The following LRRFIP2 variants were observed in gnomAD, a reference collection of about 807,000 sequenced individuals.
The protein encoded by LRRFIP2 is leucine-rich repeat flightless-interacting protein 2.
In LRRFIP2, 109 loss-of-function variants were observed where a neutral mutation model predicts 125.9. That is an observed-to-expected ratio of 0.87 (90% CI 0.74 to 1.01). The LOEUF is 1.01. LRRFIP2 is among the 50% of genes least tolerant of loss of function. The pLI, the probability that LRRFIP2 is intolerant of heterozygous loss-of-function variation, is 0.00. For synonymous variants in LRRFIP2, 291 were observed against 293.1 expected, an observed-to-expected ratio of 0.99 and a Z score of 0.07; for missense variants, 850 against 862.3, an observed-to-expected ratio of 0.99 and a Z score of 0.18.
intron 2 of LRRFIP2, among the ~76,000 whole-genome samples, chr3:37,136,982 G>A (rs1247006175): frequency 1.6e-5 from 2 of 124,450 alleles, no homozygotes; most frequent in African/African-American, 3.1e-5. Context: ...GTGGGGGGGG[G>A]GCGGGGACAG....
intron 6 of LRRFIP2, among the ~76,000 whole-genome samples, chr3:37,116,242 A>G (rs2094778558): frequency 6.6e-6 from 1 of 152,064 alleles, no homozygotes; most frequent in South Asian, 2.1e-4. Flanking sequence ...CTCCCACTTC[A>G]GGCTCCCAAG....
chr3:37,129,957 C>T (rs1288915466), intron 2 of LRRFIP2, among the ~76,000 whole-genome samples: 1 of 152,164 alleles, frequency 6.6e-6, no homozygotes. Flanking sequence ...CATGCCACTG[C>T]ACTGCAGCCT....
chr3:37,053,602 A>G lies in LRRFIP2; in HGVS notation c.*249T>C, dbSNP rs114539475. The G allele has an allele frequency of 1.4e-3, 619 of 435,486 alleles. 6 individuals are homozygous for G. Among genetic ancestry groups the G allele is most frequent in the African/African-American group, 0.011 (549 of 49,770 alleles). 27.0% of individuals were successfully genotyped at this position (435,486 alleles called of 1,614,324 possible). On this transcript the variant is annotated 3_prime_UTR_variant, in exon 28 of 28. Coordinates refer to ENST00000336686, the MANE Select transcript of LRRFIP2 (RefSeq NM_006309.4). The stretch of plus-strand genomic sequence containing the variant: ...AACGTTGAGTAAACATGATTCTACA[A>G]TTACGGAGATAAAAAATAAAAACAG...
At chr3:37,172,921 G>T (rs9813683) in intron 1 of LRRFIP2, 1 of 152,148 alleles carries the variant, frequency 6.6e-6, no homozygotes, top group Non-Finnish European at 1.5e-5. Context: ...GGCCGGGCGT[G>T]GTGGCTCATC....
intron 17 of LRRFIP2, among the ~76,000 whole-genome samples, chr3:37,093,759 G>C (rs2093589479): frequency 6.6e-6 from 1 of 152,142 alleles, no homozygotes; most frequent in Non-Finnish European, 1.5e-5. Flanking sequence ...GATGCTTTGT[G>C]ATTTGGCCCC....
At chr3:37,063,106 T>C (rs561219521) in intron 24 of LRRFIP2, among the ~76,000 whole-genome samples, 1 of 152,288 alleles carries the variant, frequency 6.6e-6, no homozygotes, top group African/African-American at 2.4e-5. Context: ...AAATTGATGA[T>C]AGAAAACCAA....
intron 21 of LRRFIP2, among the ~76,000 whole-genome samples, chr3:37,070,553 T>C (rs1013492228): frequency 6.6e-6 from 1 of 151,678 alleles, no homozygotes; most frequent in Non-Finnish European, 1.5e-5. Context: ...CTGGCCAACA[T>C]GGTGAAACCC....
rs1251167095 is a variant in LRRFIP2 at position 37,127,613 on chromosome 3, AGGCAATACT to A, written c.228+8_228+16del. 2 of 1,612,108 alleles carry A rather than the reference AGGCAATACT, an allele frequency of 1.2e-6. No homozygotes were observed. Among genetic ancestry groups the A allele is most frequent in the Admixed American group, 1.7e-5 (1 of 60,016 alleles). On this transcript the variant is annotated splice_region_variant and intron_variant, in intron 4 of 27. Coordinates refer to ENST00000336686, the MANE Select transcript of LRRFIP2 (RefSeq NM_006309.4). ...AGCAATTGATCACAACATGCAGGAC[AGGCAATACT>A]GGCCTACCAGCCACTTCTGAATCTG... is the stretch of plus-strand genomic sequence containing the variant.
In LRRFIP2 at chr3:37,135,076, C is replaced by T. The variant is rs566583090; in HGVS notation, c.91-5927G>A. The T allele has an allele frequency of 1.1e-4, 148 of 1,374,990 alleles. No homozygotes were observed. The African/African-American group carries it at 1.1e-3, about 10-fold the overall frequency. 85.2% of individuals were successfully genotyped at this position (1,374,990 alleles called of 1,614,324 possible). A position where few individuals can be genotyped will look rare whatever the true frequency, so the allele number is the denominator to read the frequency against. Reference sequence around the variant, plus strand: ...GACGTAAAAGTACAACAGAATATCTCGGGAATGGACTCAGAAGAATGCCAT... The same window carrying T: ...GACGTAAAAGTACAACAGAATATCTTGGGAATGGACTCAGAAGAATGCCAT... On this transcript the variant is annotated intron_variant, in intron 2 of 27. Coordinates refer to ENST00000336686, the MANE Select transcript of LRRFIP2 (RefSeq NM_006309.4).
At chr3:37,095,201 C>T (rs1306360567) in intron 16 of LRRFIP2, among the ~76,000 whole-genome samples, 1 of 152,196 alleles carries the variant, frequency 6.6e-6, no homozygotes, top group Non-Finnish European at 1.5e-5. Flanking sequence ...TTTATCTTTG[C>T]TATCCTGTAA....
intron 23 of LRRFIP2, chr3:37,064,586 CA>C (rs3067690): frequency 3.2e-3 from 328 of 101,124 alleles, no homozygotes; most frequent in African/African-American, 7.2e-3. Context: ...GACTTCGTCT[CA>C]AAAAAAAAAA....
intron 2 of LRRFIP2, among the ~76,000 whole-genome samples, chr3:37,143,002 G>GT (rs1231879804): frequency 6.6e-6 from 1 of 152,140 alleles, no homozygotes; most frequent in Non-Finnish European, 1.5e-5. Context: ...CAACACAACA[G>GT]TAAGTTCTCG....
intron 19 of LRRFIP2, among the ~76,000 whole-genome samples, chr3:37,078,709 T>G (rs2092358499): frequency 6.6e-6 from 1 of 152,140 alleles, no homozygotes; most frequent in African/African-American, 2.4e-5. Context: ...TCTCTAGCAC[T>G]CATACTAAAA....
chr3:37,153,524 T>A (rs996044322), intron 1 of LRRFIP2, among the ~76,000 whole-genome samples: 19 of 152,338 alleles, frequency 1.2e-4, no homozygotes, highest in African/African-American at 4.6e-4. Context: ...CTGGTAGCAT[T>A]CTTTTGAATG....
chr3:37,108,219 C>T, intron 12 of LRRFIP2, 90 bp from the exon 13 acceptor site: 1 of 1,009,994 alleles, frequency 9.9e-7, no homozygotes, highest in Middle Eastern at 2.1e-4. Flanking sequence ...CCTAACTTGC[C>T]CCTGGTTCTC....
chr3:37,081,543 G>A (rs978388149), intron 19 of LRRFIP2, among the ~76,000 whole-genome samples: 2 of 149,722 alleles, frequency 1.3e-5, no homozygotes, highest in Admixed American at 6.8e-5. Context: ...ATCACAGTAC[G>A]TGAAGCAAAT....
intron 25 of LRRFIP2, among the ~76,000 whole-genome samples, chr3:37,058,297 A>G (rs7639327): frequency 0.36 from 55,183 of 152,102 alleles, 10,944 homozygotes; most frequent in Non-Finnish European, 0.45. Context: ...TGGAGCCTCT[A>G]TTCAGCTATA....
chr3:37,056,062 G>A lies in LRRFIP2; in HGVS notation c.1871-897C>T, dbSNP rs562561794. On this transcript the variant is annotated intron_variant, in intron 25 of 27. Coordinates refer to ENST00000336686, the MANE Select transcript of LRRFIP2 (RefSeq NM_006309.4). ...ATCGTATGTGTAAGCAAGAAGAGGG[G>A]CCCTGTCTTGGCCTTCCTAAATCTA... 2.0e-5 allele frequency among the ~76,000 whole-genome samples: 3 copies of A among 152,268 alleles called. No individual in the cohort carries two copies. In the South Asian group the frequency reaches 6.2e-4, roughly 32 times the overall value.
intron 4 of LRRFIP2, among the ~76,000 whole-genome samples, chr3:37,126,868 A>AAAAAGAAAGAAAG (rs59982718): frequency 1.8e-4 from 27 of 147,218 alleles, no homozygotes; most frequent in African/African-American, 6.0e-4. Context: ...TCAAAAAAAA[A>AAAAAGAAAGAAAG]AAAGAAAGAA....
Sources: gnomAD v4.1 joint callset for allele counts (sites outside exome capture counted in the v4.1 genomes callset) on GRCh38, gnomAD v4.1.1 for gene constraint, MANE v1.5 for transcripts, NCBI Gene and HGNC (gene_info 2026-07-23, HGNC 2026-07-21) for gene names.